EEF1AKMT1: variants seen among roughly 807,000 people sequenced by gnomAD.
The protein encoded by EEF1AKMT1 is EEF1A lysine methyltransferase 1.
A neutral mutation model predicts 21.0 loss-of-function variants in EEF1AKMT1; 18 were observed. That is an observed-to-expected ratio of 0.86 (90% CI 0.59 to 1.27). The LOEUF (loss-of-function observed/expected upper bound fraction) is 1.27. EEF1AKMT1 is among the 50% of genes most tolerant of loss of function. The pLI, the probability that EEF1AKMT1 is intolerant of heterozygous loss-of-function variation, is 0.00. For synonymous variants in EEF1AKMT1, 109 were observed against 94.8 expected, an observed-to-expected ratio of 1.15 and a Z score of -0.87; for missense variants, 246 against 258.6, an observed-to-expected ratio of 0.95 and a Z score of 0.33.
chr13:20,773,610 G>A (rs2059074258), intron 1 of EEF1AKMT1, among the ~76,000 whole-genome samples: 1 of 152,252 alleles, frequency 6.6e-6, no homozygotes, highest in Non-Finnish European at 1.5e-5. Flanking sequence ...CGTAGCCTGG[G>A]GGTTAATTTC....
intron 4 of EEF1AKMT1, among the ~76,000 whole-genome samples, chr13:20,730,861 A>G (rs570708668): frequency 3.8e-4 from 58 of 152,300 alleles, no homozygotes; most frequent in South Asian, 6.2e-4. Context: ...GTCCTCTTCC[A>G]TGGTGTGGAA....
intron 2 of EEF1AKMT1, chr13:20,757,083 C>A (rs187813101): frequency 6.0e-6 from 1 of 167,056 alleles, no homozygotes; most frequent in Admixed American, 6.2e-5. Context: ...AGCTATAACA[C>A]AGCCAAGCTG....
chr13:20,739,348 G>C (rs775414352), intron 2 of EEF1AKMT1, among the ~76,000 whole-genome samples: 4 of 152,282 alleles, frequency 2.6e-5, no homozygotes, highest in South Asian at 4.1e-4. Flanking sequence ...ACCCAAGAGG[G>C]TTGCCGCCGC....
chr13:20,755,638 C>G (rs1417737527), intron 2 of EEF1AKMT1, among the ~76,000 whole-genome samples: 1 of 152,182 alleles, frequency 6.6e-6, no homozygotes, highest in Non-Finnish European at 1.5e-5. Flanking sequence ...AGCATTCTCT[C>G]TAAGGTAGTC....
At chr13:20,750,188 C>T (rs1002684652) in intron 2 of EEF1AKMT1, among the ~76,000 whole-genome samples, 2 of 152,094 alleles carry the variant, frequency 1.3e-5, no homozygotes, top group African/African-American at 4.8e-5. Context: ...GAGTATTTAT[C>T]ACCTGTTGGG....
chr13:20,739,052 T>A (rs898421813), intron 2 of EEF1AKMT1, among the ~76,000 whole-genome samples: 1 of 152,074 alleles, frequency 6.6e-6, no homozygotes, highest in South Asian at 2.1e-4. Flanking sequence ...CAAAGTTTCT[T>A]CCTCCTGGGG....
chr13:20,751,906 T>A (rs1250574576), intron 2 of EEF1AKMT1, among the ~76,000 whole-genome samples: 1 of 152,182 alleles, frequency 6.6e-6, no homozygotes, highest in Non-Finnish European at 1.5e-5. Context: ...TTTTTGTAGC[T>A]ATTGTAAACA....
intron 2 of EEF1AKMT1, among the ~76,000 whole-genome samples, chr13:20,745,613 G>C (rs1428490822): frequency 6.6e-6 from 1 of 152,198 alleles, no homozygotes; most frequent in Non-Finnish European, 1.5e-5. Context: ...CACTTTGGGA[G>C]GCTGAAGTGG....
At chr13:20,761,915 A>G (rs1341056026) in intron 1 of EEF1AKMT1, among the ~76,000 whole-genome samples, 2 of 152,166 alleles carry the variant, frequency 1.3e-5, no homozygotes, top group Admixed American at 1.3e-4. Context: ...TGGGCAATAC[A>G]GTGAGACCTT....
intron 3 of EEF1AKMT1, among the ~76,000 whole-genome samples, chr13:20,732,636 A>G (rs779705883): frequency 6.6e-6 from 1 of 152,168 alleles, no homozygotes; most frequent in Non-Finnish European, 1.5e-5. Flanking sequence ...CCTGGCCTAT[A>G]GCTTATAATT....
At chr13:20,735,454 G>A (rs1232751642) in intron 3 of EEF1AKMT1, among the ~76,000 whole-genome samples, 1 of 152,170 alleles carries the variant, frequency 6.6e-6, no homozygotes, top group East Asian at 1.9e-4. Flanking sequence ...TAAGTTAAAC[G>A]CATTGGATGA....
In EEF1AKMT1 at chr13:20,747,462, C is replaced by CTTTTTTTTTTTTTTTTTTTTTTTTT. The variant is rs60730051; in HGVS notation, c.145-9658_145-9657insAAAAAAAAAAAAAAAAAAAAAAAAA. The CTTTTTTTTTTTTTTTTTTTTTTTTT allele has an allele frequency of 9.1e-5, 8 of 87,654 alleles. 2 individuals carry two copies. Among genetic ancestry groups the CTTTTTTTTTTTTTTTTTTTTTTTTT allele is most frequent in the African/African-American group, 3.7e-4 (7 of 19,070 alleles). 5.4% of individuals were successfully genotyped at this position (87,654 alleles called of 1,614,324 possible). A position where few individuals can be genotyped will look rare whatever the true frequency, so the allele number is the denominator to read the frequency against. On this transcript the variant is annotated intron_variant, in intron 2 of 4. Coordinates refer to ENST00000382758, the MANE Select transcript of EEF1AKMT1 (RefSeq NM_001318939.2). ...GATCTCTGTGCCAGTTAGGCACATT[C>CTTTTTTTTTTTTTTTTTTTTTTTTT]TTTTTTTTTTTTTTTTTTTTTGAGA... is the stretch of plus-strand genomic sequence containing the variant.
chr13:20,731,823 A>C lies in EEF1AKMT1; in HGVS notation c.508+18T>G, dbSNP rs1407594825. ...CCACTGTCAGTGACTTTGATGAGATATGAAATGCAGCACCTACCTGTGCAC... is the reference window on the plus strand; with the variant it reads ...CCACTGTCAGTGACTTTGATGAGATCTGAAATGCAGCACCTACCTGTGCAC... On this transcript the variant is annotated intron_variant, in intron 4 of 4. Transcript: ENST00000382758. 1 of 1,599,814 alleles carries C rather than the reference A, an allele frequency of 6.3e-7. No individual in the cohort carries two copies. Among genetic ancestry groups the C allele is most frequent in the East Asian group, 2.2e-5 (1 of 44,638 alleles).
chr13:20,748,715 G>GGTTTGTT (rs1555326495), intron 2 of EEF1AKMT1, among the ~76,000 whole-genome samples: 1 of 105,810 alleles, frequency 9.5e-6, no homozygotes, highest in African/African-American at 3.7e-5. Context: ...ATGTATAGTT[G>GGTTTGTT]TTTTTTTTTG....
At chr13:20,745,108 A>G (rs1197957218) in intron 2 of EEF1AKMT1, among the ~76,000 whole-genome samples, 1 of 152,210 alleles carries the variant, frequency 6.6e-6, no homozygotes. Context: ...GTTTGAAGTC[A>G]GGTAGTGGAT....
rs1419780611 is a variant in EEF1AKMT1 at position 20,758,604 on chromosome 13, G to A, written c.-19-987C>T. Among the ~76,000 whole-genome samples the A allele has an allele frequency of 2.6e-5, 4 of 152,004 alleles. No individual in the cohort carries two copies. The East Asian group carries it at 7.7e-4, about 29-fold the overall frequency. The stretch of plus-strand genomic sequence containing the variant: ...ATAAGAGTAGATCATACTGCCCAAA[G>A]CAATCTACAGATTCAATACAATTCC... On this transcript the variant is annotated intron_variant, in intron 1 of 4. Transcript: ENST00000382758.
rs117959035 is a variant in EEF1AKMT1 at position 20,752,338 on chromosome 13, G to C, written c.144+5117C>G. 6.6e-5 allele frequency among the ~76,000 whole-genome samples: 10 copies of C among 152,218 alleles called. No homozygotes were observed. In the East Asian group the frequency reaches 1.9e-3, roughly 29 times the overall value. On this transcript the variant is annotated intron_variant, in intron 2 of 4. Transcript: ENST00000382758. ...TATGTTCCTTTATGCCTAGTTTGTT[G>C]AGAGTTTTTATCATGAAGGGATGTT...
intron 2 of EEF1AKMT1, among the ~76,000 whole-genome samples, chr13:20,738,677 G>A (rs1038320414): frequency 5.3e-5 from 8 of 152,176 alleles, no homozygotes; most frequent in African/African-American, 1.9e-4. Flanking sequence ...ACTGATATAT[G>A]CTACATGGAT....
chr13:20,766,838 G>T (rs912436106), intron 1 of EEF1AKMT1, among the ~76,000 whole-genome samples: 22 of 150,838 alleles, frequency 1.5e-4, no homozygotes, highest in African/African-American at 4.9e-4. Context: ...AACAAAAAAA[G>T]AAAAAGAAAA....
Sources: allele counts gnomAD v4.1 joint callset (sites outside exome capture counted in the v4.1 genomes callset), GRCh38; gene constraint gnomAD v4.1.1; transcripts MANE v1.5; gene names NCBI Gene and HGNC (gene_info 2026-07-23, HGNC 2026-07-21).